The following TRAK1 variants were observed in gnomAD, a reference collection of about 807,000 sequenced individuals.
TRAK1 encodes the protein trafficking kinesin protein 1.
TRAK1 carries 33 observed loss-of-function variants against 92.1 expected under a neutral mutation model. That is an observed-to-expected ratio of 0.36 (90% CI 0.27 to 0.48). The LOEUF is 0.48. Among genes scored for constraint, TRAK1 ranks in the 20% least tolerant of loss-of-function variants. The pLI, the probability that TRAK1 is intolerant of heterozygous loss-of-function variation, is 0.99. For missense variants in TRAK1, 1,123 were observed against 1,257.9 expected (o/e 0.89, Z 1.62); for synonymous variants, 521 against 517.3 (o/e 1.01, Z -0.10).
intron 2 of TRAK1, among the ~76,000 whole-genome samples, chr3:42,153,027 G>A (rs754148390): frequency 5.3e-5 from 8 of 152,152 alleles, no homozygotes; most frequent in Non-Finnish European, 8.8e-5. Context: ...TGTAAGCGAC[G>A]AAGAGCCAGG....
At chr3:42,129,452 T>C (rs371554516) in intron 2 of TRAK1, among the ~76,000 whole-genome samples, 9 of 152,226 alleles carry the variant, frequency 5.9e-5, no homozygotes, top group African/African-American at 2.2e-4. Context: ...GAAACGCGGC[T>C]TTACCTTTTA....
chr3:42,149,362 G>GCC, intron 2 of TRAK1: 1 of 1,428,358 alleles, frequency 7.0e-7, no homozygotes, highest in Non-Finnish European at 9.1e-7. Context: ...TCTTTTCATT[G>GCC]CCCACTTTAC....
chr3:42,116,850 G>A (rs1428870128), intron 1 of TRAK1, among the ~76,000 whole-genome samples: 1 of 152,156 alleles, frequency 6.6e-6, no homozygotes, highest in Non-Finnish European at 1.5e-5. Flanking sequence ...CTGTATGGTG[G>A]CCACTATTTG....
chr3:42,123,600 T>G (rs1710193228), intron 1 of TRAK1, among the ~76,000 whole-genome samples: 1 of 152,262 alleles, frequency 6.6e-6, no homozygotes, highest in Non-Finnish European at 1.5e-5. Context: ...GCCTTTCTCC[T>G]TTAATTTTAT....
intron 1 of TRAK1, among the ~76,000 whole-genome samples, chr3:42,022,583 A>G (rs888855162): frequency 6.6e-6 from 1 of 152,114 alleles, no homozygotes; most frequent in African/African-American, 2.4e-5. Flanking sequence ...TTAGCTGGGC[A>G]TGGTGGTGTG....
chr3:42,161,889 G>A (rs1227193854), intron 2 of TRAK1, among the ~76,000 whole-genome samples: 1 of 152,200 alleles, frequency 6.6e-6, no homozygotes. Context: ...CAGGAGAAAG[G>A]TATCCATCTG....
At chr3:42,211,567 G>C in intron 14 of TRAK1, 1 of 985,420 alleles carries the variant, frequency 1.0e-6, no homozygotes, top group Non-Finnish European at 1.2e-6. Flanking sequence ...TAAAGGGGTA[G>C]GCCTTATGTT....
chr3:42,165,735 C>T (rs556100515), intron 2 of TRAK1, among the ~76,000 whole-genome samples: 1 of 152,234 alleles, frequency 6.6e-6, no homozygotes. Context: ...CCTGGCGCAT[C>T]AGTACCTACC....
At chr3:42,151,532 G>A (rs921037786) in intron 2 of TRAK1, 3 of 303,646 alleles carry the variant, frequency 9.9e-6, no homozygotes, top group Admixed American at 4.7e-5. Flanking sequence ...TTTGGATGAA[G>A]GGAAGAAGGT....
chr3:42,134,245 C>T (rs1697628445), intron 2 of TRAK1, among the ~76,000 whole-genome samples: 1 of 140,422 alleles, frequency 7.1e-6, no homozygotes, highest in Non-Finnish European at 1.5e-5. Flanking sequence ...CCTCCCCTCC[C>T]CTTTCCTCCT....
intron 1 of TRAK1, among the ~76,000 whole-genome samples, chr3:42,106,378 A>G (rs1707572084): frequency 6.6e-6 from 1 of 152,208 alleles, no homozygotes; most frequent in South Asian, 2.1e-4. Context: ...TTGCAATCCT[A>G]GTCTCTGATA....
chr3:42,176,964 CT>C (rs1703313269), intron 3 of TRAK1, 74 bp downstream of exon 3: 1 of 1,329,560 alleles, frequency 7.5e-7, no homozygotes, highest in African/African-American at 1.4e-5. Context: ...TAAAGCATGC[CT>C]TATCACCTGT....
intron 10 of TRAK1, among the ~76,000 whole-genome samples, chr3:42,195,674 G>T (rs960033495): frequency 6.6e-6 from 1 of 151,832 alleles, no homozygotes; most frequent in African/African-American, 2.4e-5. Context: ...ATGCATCAAA[G>T]TCAGGAAGTC....
chr3:42,025,301 T>A (rs909506937), intron 1 of TRAK1, among the ~76,000 whole-genome samples: 2 of 152,220 alleles, frequency 1.3e-5, no homozygotes, highest in Admixed American at 1.3e-4. Flanking sequence ...CACGCTGGCC[T>A]TTCGTTGTGG....
rs372071117 is a variant in TRAK1, at chr3:42,121,700, G to A, written c.92-3720G>A. Among the ~76,000 whole-genome samples, 35 of 152,332 alleles carry A rather than the reference G, an allele frequency of 2.3e-4. No individual in the cohort carries two copies. The South Asian group carries it at 6.6e-3, about 29-fold the overall frequency. On this transcript the variant is annotated intron_variant, in intron 1 of 15. Coordinates refer to ENST00000327628, the MANE Select transcript of TRAK1 (RefSeq NM_001042646.3). Reference sequence around the variant, plus strand: ...GGCCTTGTGGCCAAGGTTAAGGAGAGCTGCACGGGCCATCTCCATAATCCT... The same window carrying A: ...GGCCTTGTGGCCAAGGTTAAGGAGAACTGCACGGGCCATCTCCATAATCCT...
chr3:42,086,736 A>G (rs1487104232), upstream of TRAK1, among the ~76,000 whole-genome samples: 2 of 152,164 alleles, frequency 1.3e-5, no homozygotes, highest in African/African-American at 4.8e-5. Context: ...TAAGAGAAAC[A>G]TATCTTATGT....
intron 2 of TRAK1, among the ~76,000 whole-genome samples, chr3:42,138,743 T>G (rs902368907): frequency 3.6e-5 from 5 of 139,276 alleles, no homozygotes; most frequent in Non-Finnish European, 7.8e-5. Context: ...AAAAAAAAAG[T>G]ACAGACACCA....
intron 2 of TRAK1, among the ~76,000 whole-genome samples, chr3:42,169,595 TG>T (rs1702290120): frequency 1.3e-5 from 2 of 150,474 alleles, no homozygotes; most frequent in African/African-American, 4.9e-5. Flanking sequence ...CACTTGAACC[TG>T]GGAGGCAGAG....
chr3:42,037,633 G>A (rs550023547), intron 1 of TRAK1, among the ~76,000 whole-genome samples: 1 of 152,246 alleles, frequency 6.6e-6, no homozygotes, highest in Admixed American at 6.5e-5. Flanking sequence ...TAACATAAGA[G>A]CTTTGGCTTA....
Sources: gnomAD v4.1 joint callset for allele counts (sites outside exome capture counted in the v4.1 genomes callset) on GRCh38, gnomAD v4.1.1 for gene constraint, MANE v1.5 for transcripts, NCBI Gene and HGNC (gene_info 2026-07-23, HGNC 2026-07-21) for gene names.